The following FAM184B variants were observed in gnomAD, a reference collection of about 807,000 sequenced individuals.
FAM184B encodes family with sequence similarity 184 member B, also known as protein FAM184B.
FAM184B carries 111 observed loss-of-function variants against 135.9 expected under a neutral mutation model. The ratio of observed to expected loss-of-function variants is 0.82; its 90% CI spans 0.70 to 0.96. The LOEUF (loss-of-function observed/expected upper bound fraction) is 0.96. Among genes scored for constraint, FAM184B ranks in the 40% least tolerant of loss-of-function variants. The pLI is 0.00. For missense variants in FAM184B, 1,375 were observed against 1,323.9 expected (o/e 1.04, Z -0.60); for synonymous variants, 552 against 524.8 (o/e 1.05, Z -0.71).
intron 1 of FAM184B, among the ~76,000 whole-genome samples, chr4:17,767,104 CG>C (rs1354524197): frequency 1.3e-5 from 2 of 152,154 alleles, no homozygotes; most frequent in South Asian, 2.1e-4. Flanking sequence ...CCTCCGAGTG[CG>C]GGGCCGCCGA....
rs563250329 is a variant in FAM184B, at chr4:17,672,772, TG to T, written c.1597-8114del. On this transcript the variant is annotated intron_variant, in intron 7 of 17. Transcript: ENST00000265018. Reference sequence around the variant, plus strand: ...CATCTTTTTGATATGTTGTTGGATTTGGTTAACTAGTATTTTGTTAAGGATT... The same window carrying T: ...CATCTTTTTGATATGTTGTTGGATTTGTTAACTAGTATTTTGTTAAGGATT... Among the ~76,000 whole-genome samples, 174 of 152,316 alleles carry T rather than the reference TG, an allele frequency of 1.1e-3. 1 individual carries two copies. The highest frequency in any genetic ancestry group is 0.01 in the Middle Eastern group (3 of 294).
At chr4:17,644,595 AAG>A (rs570327395) in intron 12 of FAM184B, among the ~76,000 whole-genome samples, 78 of 152,368 alleles carry the variant, frequency 5.1e-4, no homozygotes, top group African/African-American at 1.7e-3. Flanking sequence ...TCAAAATAAT[AAG>A]AGCTATTTAT....
At position 17,726,664 on chromosome 4, in the gene FAM184B, G is replaced by A. The variant is rs114394901; in HGVS notation, c.142-17020C>T. Among the ~76,000 whole-genome samples the A allele has an allele frequency of 9.3e-3, 1,413 of 152,292 alleles. 23 individuals are homozygous for A. Among genetic ancestry groups the A allele is most frequent in the African/African-American group, 0.031 (1,290 of 41,558 alleles). On this transcript the variant is annotated intron_variant, in intron 1 of 17. Transcript: ENST00000265018. ...TGGGATTACAGGCATGAGCCACTGC[G>A]CCTGGCCAAATGATGTCATTTTGAC... is the stretch of plus-strand genomic sequence containing the variant.
chr4:17,643,343 G>A (rs1228826810), intron 12 of FAM184B, among the ~76,000 whole-genome samples: 1 of 152,064 alleles, frequency 6.6e-6, no homozygotes, highest in Admixed American at 6.5e-5. Context: ...CGACACCCCT[G>A]CATCTCCTCT....
intron 1 of FAM184B, among the ~76,000 whole-genome samples, chr4:17,711,901 A>G (rs1283988142): frequency 6.6e-6 from 1 of 152,192 alleles, no homozygotes; most frequent in Admixed American, 6.5e-5. Context: ...GAATGAGACA[A>G]GGTCACTAAC....
chr4:17,693,229 G>T, intron 6 of FAM184B, 73 bp downstream of exon 6: 1 of 1,142,456 alleles, frequency 8.8e-7, no homozygotes, highest in South Asian at 1.5e-5. Context: ...CAAAATTCTT[G>T]GCTTCTCAGT....
At chr4:17,767,010 G>A (rs748124586) in intron 1 of FAM184B, among the ~76,000 whole-genome samples, 32 of 152,186 alleles carry the variant, frequency 2.1e-4, no homozygotes, top group Admixed American at 3.9e-4. Context: ...GGCCAGCACT[G>A]CTGGGGGATC....
intron 7 of FAM184B, among the ~76,000 whole-genome samples, chr4:17,682,138 AG>A (rs1283539944): frequency 2.0e-5 from 3 of 152,118 alleles, no homozygotes; most frequent in African/African-American, 7.2e-5. Flanking sequence ...CCTTCTGGAG[AG>A]GGCGTGGGCA....
intron 1 of FAM184B, among the ~76,000 whole-genome samples, chr4:17,738,670 C>CTA (rs1717960882): frequency 6.6e-6 from 1 of 152,064 alleles, no homozygotes; most frequent in African/African-American, 2.4e-5. Context: ...AACAGATAGT[C>CTA]CTGTGCTATA....
chr4:17,633,590 CCTT>C, intron 17 of FAM184B, 96 bp downstream of exon 17: 1 of 1,111,458 alleles, frequency 9.0e-7, no homozygotes, highest in Non-Finnish European at 1.2e-6. Context: ...TGAAAAAAGG[CCTT>C]CTGGAATTTG....
chr4:17,728,900 G>A (rs1717704003), intron 1 of FAM184B, among the ~76,000 whole-genome samples: 1 of 152,214 alleles, frequency 6.6e-6, no homozygotes, highest in Non-Finnish European at 1.5e-5. Context: ...CACAGTGGGT[G>A]CAGGACAGTG....
At chr4:17,763,422 G>A (rs575412434) in intron 1 of FAM184B, among the ~76,000 whole-genome samples, 7 of 150,778 alleles carry the variant, frequency 4.6e-5, no homozygotes, top group Non-Finnish European at 8.8e-5. Context: ...ACACACACAG[G>A]CACATGCACC....
At chr4:17,748,103 G>GAAAAAAAAAAA (rs58795222) in intron 1 of FAM184B, among the ~76,000 whole-genome samples, 2 of 70,310 alleles carry the variant, frequency 2.8e-5, no homozygotes, top group African/African-American at 6.0e-5. Flanking sequence ...GACTCCGTCT[G>GAAAAAAAAAAA]AAAAAAAAAA....
intron 1 of FAM184B, among the ~76,000 whole-genome samples, chr4:17,731,010 A>G (rs141661565): frequency 2.0e-5 from 3 of 152,182 alleles, no homozygotes; most frequent in Non-Finnish European, 4.4e-5. Flanking sequence ...AAATGAATGA[A>G]ATGAAGCGCG....
chr4:17,721,471 G>A (rs1172974421), intron 1 of FAM184B, among the ~76,000 whole-genome samples: 2 of 151,640 alleles, frequency 1.3e-5, no homozygotes, highest in East Asian at 3.9e-4. Flanking sequence ...TTGGAAAGGT[G>A]AGCAAATGTC....
At position 17,713,791 on chromosome 4, in the gene FAM184B, T is replaced by C. The variant is rs115701039; in HGVS notation, c.142-4147A>G. Among the ~76,000 whole-genome samples, 242 of 152,346 alleles carry C rather than the reference T, an allele frequency of 1.6e-3. 1 individual carries two copies. Among genetic ancestry groups the C allele is most frequent in the African/African-American group, 5.6e-3 (234 of 41,578 alleles). ...TCGCGGATTCACTGCACATCTCGGATGTGGCAGGCTCTGTGCTGGGCACTG... is the reference window on the plus strand; with the variant it reads ...TCGCGGATTCACTGCACATCTCGGACGTGGCAGGCTCTGTGCTGGGCACTG... On this transcript the variant is annotated intron_variant, in intron 1 of 17. Coordinates refer to ENST00000265018, the MANE Select transcript of FAM184B (RefSeq NM_015688.2).
intron 7 of FAM184B, among the ~76,000 whole-genome samples, chr4:17,685,246 T>C (rs1299084202): frequency 1.4e-5 from 2 of 147,344 alleles, no homozygotes; most frequent in Admixed American, 6.9e-5. Context: ...AAGACAACAT[T>C]CTAGATTAAG....
chr4:17,677,328 G>A (rs565641361), intron 7 of FAM184B, among the ~76,000 whole-genome samples: 7 of 152,254 alleles, frequency 4.6e-5, no homozygotes, highest in African/African-American at 1.2e-4. Context: ...GATTACAGGC[G>A]TAAGCCACTG....
chr4:17,726,890 C>A (rs1717654238), intron 1 of FAM184B, among the ~76,000 whole-genome samples: 7 of 152,170 alleles, frequency 4.6e-5, no homozygotes, highest in Admixed American at 3.9e-4. Flanking sequence ...TGTCATGGAC[C>A]TAATGCTGAT....
Sources: gnomAD v4.1 joint callset for allele counts (sites outside exome capture counted in the v4.1 genomes callset) on GRCh38, gnomAD v4.1.1 for gene constraint, MANE v1.5 for transcripts, NCBI Gene and HGNC (gene_info 2026-07-23, HGNC 2026-07-21) for gene names.